PAG1: variants seen among roughly 807,000 people sequenced by gnomAD.
PAG1 encodes the protein phosphoprotein membrane anchor with glycosphingolipid microdomains 1.
Under a neutral mutation model 31.7 loss-of-function variants are expected in PAG1, and 23 were observed. The ratio of observed to expected loss-of-function variants is 0.73; its 90% CI spans 0.52 to 1.03. PAG1 has a LOEUF of 1.03. PAG1 is among the 50% of genes least tolerant of loss of function. PAG1 has a pLI of 0.00. For synonymous variants in PAG1, 214 were observed against 210.3 expected (o/e 1.02, Z -0.15); for missense variants, 473 against 540.7 (o/e 0.87, Z 1.24).
chr8:80,979,775 A>G (rs1278746421), intron 8 of PAG1, among the ~76,000 whole-genome samples: 2 of 152,244 alleles, frequency 1.3e-5, no homozygotes, highest in Non-Finnish European at 2.9e-5. Context: ...AGCATAGCTC[A>G]ACATTTATAT....
intron 1 of PAG1, among the ~76,000 whole-genome samples, chr8:81,081,009 C>A (rs1467908656): frequency 6.6e-6 from 1 of 152,154 alleles, no homozygotes; most frequent in Non-Finnish European, 1.5e-5. Flanking sequence ...AGGATGCAGG[C>A]TTTGGGACCA....
chr8:81,074,155 A>C (rs1338467280), intron 1 of PAG1, among the ~76,000 whole-genome samples: 1 of 152,182 alleles, frequency 6.6e-6, no homozygotes, highest in African/African-American at 2.4e-5. Context: ...TGATCCAGAA[A>C]AGCAGAACAA....
In PAG1 at chr8:80,974,064, T is replaced by C. The variant is rs1807131631; in HGVS notation, c.*2480A>G. The C allele has an allele frequency of 6.6e-6, 1 of 152,104 alleles. No individual in the cohort carries two copies. The highest frequency in any genetic ancestry group is 6.5e-5 in the Admixed American group (1 of 15,276). The allele number at this position is 152,104 out of a possible 1,614,324, so 9.4% of individuals were successfully genotyped here. ...TTCAGTGCATATTTCATAGCCACAT[T>C]GCAGAACTAATATTTGAAAACTCTT... On this transcript the variant is annotated 3_prime_UTR_variant, in exon 9 of 9. Transcript: ENST00000220597.
At chr8:81,036,966 T>C (rs1306625768) in intron 2 of PAG1, 3 of 152,128 alleles carry the variant, frequency 2.0e-5, no homozygotes, top group South Asian at 2.1e-4. Flanking sequence ...TTTTTTTTCG[T>C]TGAGTACAGA....
At chr8:80,983,363 CT>C (rs1807347004) in intron 7 of PAG1, among the ~76,000 whole-genome samples, 1 of 152,190 alleles carries the variant, frequency 6.6e-6, no homozygotes, top group Admixed American at 6.5e-5. Flanking sequence ...CTATTTTTTT[CT>C]CTTATAAACT....
At chr8:81,056,326 G>A (rs550771791) in intron 2 of PAG1, among the ~76,000 whole-genome samples, 2,662 of 152,088 alleles carry the variant, frequency 0.018, 82 homozygotes, top group African/African-American at 0.06. Context: ...ACTATACTAC[G>A]AGGCTACAGT....
chr8:81,046,697 T>C (rs1212891894), intron 2 of PAG1, among the ~76,000 whole-genome samples: 1 of 152,130 alleles, frequency 6.6e-6, no homozygotes, highest in African/African-American at 2.4e-5. Flanking sequence ...CAATTTTTAT[T>C]TTAAGTTCAG....
intron 3 of PAG1, among the ~76,000 whole-genome samples, chr8:81,024,671 GA>G (rs2130755108): frequency 6.6e-6 from 1 of 152,276 alleles, no homozygotes; most frequent in South Asian, 2.1e-4. Flanking sequence ...TTCAAACTGG[GA>G]ACAGTTGTTT....
rs1437298154 is a variant in PAG1 at position 80,975,595 on chromosome 8, C to T, written c.*949G>A. On this transcript the variant is annotated 3_prime_UTR_variant, in exon 9 of 9. Transcript: ENST00000220597. ...GCGGAGACCATGGGAAATACACATTCATGTCCACAGCCCTTCAGCGATGGA... is the reference window on the plus strand; with the variant it reads ...GCGGAGACCATGGGAAATACACATTTATGTCCACAGCCCTTCAGCGATGGA... 5 of 152,178 alleles carry T rather than the reference C, an allele frequency of 3.3e-5. No individual in the cohort carries two copies. Among genetic ancestry groups the T allele is most frequent in the Non-Finnish European group, 4.4e-5 (3 of 68,030 alleles). The allele number at this position is 152,178 out of a possible 1,614,324, so 9.4% of individuals were successfully genotyped here. A position where few individuals can be genotyped will look rare whatever the true frequency, so the allele number is the denominator to read the frequency against.
At chr8:81,043,651 T>C (rs1391845077) in intron 2 of PAG1, among the ~76,000 whole-genome samples, 1 of 152,200 alleles carries the variant, frequency 6.6e-6, no homozygotes, top group Non-Finnish European at 1.5e-5. Context: ...CAAATGACAT[T>C]ACAATGATTA....
chr8:80,997,737 C>CAG (rs1268554518), intron 3 of PAG1, among the ~76,000 whole-genome samples: 3 of 151,654 alleles, frequency 2.0e-5, no homozygotes, highest in Admixed American at 2.0e-4. Context: ...AATGTGATCA[C>CAG]AGATTTAGAT....
chr8:81,088,301 T>C (rs914068754), intron 1 of PAG1, among the ~76,000 whole-genome samples: 8 of 152,206 alleles, frequency 5.3e-5, no homozygotes, highest in Non-Finnish European at 7.4e-5. Context: ...CCAAAGTCCA[T>C]TACCCTTCAA....
chr8:81,034,300 T>C (rs1031799558), intron 2 of PAG1, among the ~76,000 whole-genome samples: 18 of 152,202 alleles, frequency 1.2e-4, no homozygotes, highest in African/African-American at 3.9e-4. Context: ...ATTTATTCAC[T>C]GATTGAGTGA....
chr8:81,011,958 C>T (rs555106094), intron 3 of PAG1, among the ~76,000 whole-genome samples: 2 of 152,266 alleles, frequency 1.3e-5, no homozygotes, highest in South Asian at 2.1e-4. Context: ...TACTTCCAAT[C>T]GTCTGTTGAG....
chr8:80,976,405 C>A lies in PAG1; in HGVS notation c.*139G>T. ...CTCAGAAACTGAACAACTGGGAGAACAGTCGACAGGGCCTCTCCAACCATC... is the reference window on the plus strand; with the variant it reads ...CTCAGAAACTGAACAACTGGGAGAAAAGTCGACAGGGCCTCTCCAACCATC... On this transcript the variant is annotated 3_prime_UTR_variant, in exon 9 of 9. Coordinates refer to ENST00000220597, the MANE Select transcript of PAG1 (RefSeq NM_018440.4). The A allele has an allele frequency of 1.2e-6, 1 of 821,800 alleles. No individual in the cohort carries two copies. The highest frequency in any genetic ancestry group is 1.9e-6 in the Non-Finnish European group (1 of 530,110). 50.9% of individuals were successfully genotyped at this position (821,800 alleles called of 1,614,324 possible).
At chr8:81,105,219 G>A (rs529946168) in intron 1 of PAG1, among the ~76,000 whole-genome samples, 3 of 152,266 alleles carry the variant, frequency 2.0e-5, no homozygotes, top group Non-Finnish European at 4.4e-5. Flanking sequence ...CTGCTGCTCA[G>A]TGTCTCCTTC....
chr8:81,041,668 T>C (rs1330268091), intron 2 of PAG1, among the ~76,000 whole-genome samples: 1 of 152,204 alleles, frequency 6.6e-6, no homozygotes, highest in Non-Finnish European at 1.5e-5. Flanking sequence ...GTAGTACATT[T>C]AGTAATAATT....
At chr8:80,987,292 G>C (rs1291450861) in intron 6 of PAG1, 78 bp downstream of exon 6, 1 of 883,014 alleles carries the variant, frequency 1.1e-6, no homozygotes, top group Admixed American at 2.0e-5. Flanking sequence ...CCTACTTTTT[G>C]AGCTATGTAT....
chr8:81,070,815 A>G (rs1322542671), intron 1 of PAG1, among the ~76,000 whole-genome samples: 3 of 152,232 alleles, frequency 2.0e-5, no homozygotes, highest in Non-Finnish European at 4.4e-5. Flanking sequence ...CACTTCTCCA[A>G]GAATAAGTGT....
Sources: gnomAD v4.1 joint callset for allele counts (sites outside exome capture counted in the v4.1 genomes callset) on GRCh38, gnomAD v4.1.1 for gene constraint, MANE v1.5 for transcripts, NCBI Gene and HGNC (gene_info 2026-07-23, HGNC 2026-07-21) for gene names.